Variants in DAB1 observed in about 807,000 individuals in gnomAD.
DAB1 encodes the protein disabled homolog 1.
Under a neutral mutation model 64.6 loss-of-function variants are expected in DAB1, and 15 were observed. The ratio of observed to expected loss-of-function variants is 0.23; its 90% CI spans 0.16 to 0.36. DAB1 has a LOEUF of 0.36. DAB1 is among the 10% of genes least tolerant of loss of function. The pLI is 1.00. For missense variants in DAB1, 596 were observed against 706.7 expected, an observed-to-expected ratio of 0.84 and a Z score of 1.78; for synonymous variants, 235 against 251.9, an observed-to-expected ratio of 0.93 and a Z score of 0.64.
chr1:58,065,576 C>G (rs192396784), intron 5 of DAB1, among the ~76,000 whole-genome samples: 3 of 152,072 alleles, frequency 2.0e-5, no homozygotes, highest in African/African-American at 7.2e-5. Context: ...CTTCATGAGT[C>G]GATACAAAGG....
At chr1:58,494,420 G>A (rs945889008) in intron 3 of DAB1, among the ~76,000 whole-genome samples, 2 of 151,598 alleles carry the variant, frequency 1.3e-5, no homozygotes, top group Non-Finnish European at 2.9e-5. Context: ...TGATAAATGG[G>A]ATCTAATTAA....
At chr1:57,153,548 T>C (rs565664428) in intron 2 of DAB1, among the ~76,000 whole-genome samples, 1 of 152,290 alleles carries the variant, frequency 6.6e-6, no homozygotes, top group South Asian at 2.1e-4. Flanking sequence ...AATGAGACAT[T>C]TGGGTTTCTA....
intron 3 of DAB1, among the ~76,000 whole-genome samples, chr1:58,443,324 G>C (rs1308645157): frequency 6.6e-6 from 1 of 152,206 alleles, no homozygotes; most frequent in African/African-American, 2.4e-5. Flanking sequence ...CTCCTAAATA[G>C]TTAATGTAAC....
chr1:57,416,575 G>A lies in DAB1; in HGVS notation c.-137+7355C>T, dbSNP rs200849489. ...TTTTAAGAGATGTCAATAAAACATA[G>A]AAATGACTTTCAACAGATAATTATT... On this transcript the variant is annotated intron_variant, in intron 1 of 14. Coordinates refer to ENST00000371236, the MANE Select transcript of DAB1 (RefSeq NM_001365792.1). Among the ~76,000 whole-genome samples, 5 of 152,244 alleles carry A rather than the reference G, an allele frequency of 3.3e-5. No homozygotes were observed. The East Asian group carries it at 9.6e-4, about 29-fold the overall frequency.
intron 2 of DAB1, among the ~76,000 whole-genome samples, chr1:57,191,706 G>A (rs962164022): frequency 2.0e-5 from 3 of 152,074 alleles, no homozygotes; most frequent in South Asian, 2.1e-4. Context: ...TGAACAAAAC[G>A]TTGGAGCACA....
chr1:58,327,339 G>A (rs1294962884), intron 4 of DAB1, among the ~76,000 whole-genome samples: 3 of 152,158 alleles, frequency 2.0e-5, no homozygotes, highest in African/African-American at 7.2e-5. Flanking sequence ...GGAGGAGGCA[G>A]GCAATACCAA....
rs544991448 is a variant in DAB1, at chr1:58,107,905, C to T, written n.387+42606G>A. Among the ~76,000 whole-genome samples the T allele has an allele frequency of 7.9e-5, 12 of 152,228 alleles. 1 individual carries two copies. The South Asian group carries it at 2.5e-3, about 32-fold the overall frequency. On this transcript the variant is annotated intron_variant and non_coding_transcript_variant, in intron 5 of 20. Transcript: ENST00000485760. ...GTGCTGGGATTACAGGTGTGAGCCA[C>T]TGCACCCAGCCAAGCTAGCATGTTT...
At chr1:57,086,691 A>G (rs951024780) in intron 4 of DAB1, among the ~76,000 whole-genome samples, 1 of 150,800 alleles carries the variant, frequency 6.6e-6, no homozygotes, top group African/African-American at 2.4e-5. Context: ...ACACACATGA[A>G]AAAAACCTGA....
intron 3 of DAB1, among the ~76,000 whole-genome samples, chr1:58,421,156 T>G (rs1644767747): frequency 6.6e-6 from 1 of 152,228 alleles, no homozygotes. Flanking sequence ...CGTAATGCTC[T>G]AATTATGTGT....
chr1:57,439,792 A>G (rs1046043244), intron 7 of DAB1, among the ~76,000 whole-genome samples: 3 of 152,084 alleles, frequency 2.0e-5, no homozygotes, highest in African/African-American at 7.2e-5. Flanking sequence ...ACACATGAAT[A>G]AGATTTAATA....
At chr1:58,224,689 A>G (rs562979037) in intron 4 of DAB1, among the ~76,000 whole-genome samples, 4 of 152,254 alleles carry the variant, frequency 2.6e-5, no homozygotes, top group Admixed American at 2.6e-4. Context: ...GTTAATCCCC[A>G]TTTAGTAGAT....
chr1:57,635,997 T>C (rs924363541), intron 7 of DAB1, among the ~76,000 whole-genome samples: 1 of 148,002 alleles, frequency 6.8e-6, no homozygotes, highest in Non-Finnish European at 1.5e-5. Context: ...CTCAGGAGGC[T>C]GAGGCAGGAG....
intron 4 of DAB1, among the ~76,000 whole-genome samples, chr1:57,076,897 C>A (rs975018861): frequency 6.6e-6 from 1 of 152,190 alleles, no homozygotes; most frequent in Non-Finnish European, 1.5e-5. Flanking sequence ...TTATTGAGTG[C>A]CTATTATGTT....
At chr1:57,273,791 C>A (rs1215312978) in intron 2 of DAB1, among the ~76,000 whole-genome samples, 1 of 151,970 alleles carries the variant, frequency 6.6e-6, no homozygotes. Flanking sequence ...TGGAATCTCA[C>A]CAGCCCTTGA....
At chr1:57,127,323 T>C (rs569581527) in intron 4 of DAB1, among the ~76,000 whole-genome samples, 1 of 152,262 alleles carries the variant, frequency 6.6e-6, no homozygotes, top group East Asian at 1.9e-4. Flanking sequence ...AGAAGCGTCT[T>C]TCTCCATTAC....
chr1:57,391,708 G>A (rs1460339895), intron 1 of DAB1, among the ~76,000 whole-genome samples: 2 of 151,372 alleles, frequency 1.3e-5, no homozygotes, highest in East Asian at 2.0e-4. Context: ...TGCTTCTGGA[G>A]CAATGTTGCC....
intron 2 of DAB1, among the ~76,000 whole-genome samples, chr1:57,146,409 C>A (rs1659140403): frequency 6.6e-6 from 1 of 152,206 alleles, no homozygotes; most frequent in Non-Finnish European, 1.5e-5. Flanking sequence ...TTATTCATCT[C>A]CTATAATATC....
chr1:57,932,456 C>T (rs1379482864), intron 5 of DAB1, among the ~76,000 whole-genome samples: 1 of 148,540 alleles, frequency 6.7e-6, no homozygotes, highest in African/African-American at 2.5e-5. Flanking sequence ...TGCCCGCCAC[C>T]AAGCCCAGCT....
chr1:57,603,711 G>A (rs74077726), intron 7 of DAB1, among the ~76,000 whole-genome samples: 21,776 of 152,108 alleles, frequency 0.14, 1,604 homozygotes, highest in South Asian at 0.2. Flanking sequence ...CAAGAGGCTC[G>A]AAGCAAAGCA....
Sources: allele counts gnomAD v4.1 joint callset (sites outside exome capture counted in the v4.1 genomes callset), GRCh38; gene constraint gnomAD v4.1.1; transcripts MANE v1.5; gene names NCBI Gene and HGNC (gene_info 2026-07-23, HGNC 2026-07-21).